Variants in SCG5 observed in about 807,000 individuals in gnomAD.
SCG5 encodes secretogranin V.
A neutral mutation model predicts 25.7 loss-of-function variants in SCG5; 18 were observed. The observed-to-expected ratio is 0.70, with a 90% CI of 0.48 to 1.04. The LOEUF is 1.04. SCG5 is among the 50% of genes least tolerant of loss of function. The pLI is 0.00. For missense variants in SCG5, 206 were observed against 259.8 expected (o/e 0.79, Z 1.42); for synonymous variants, 101 against 91.7 (o/e 1.10, Z -0.58).
At chr15:32,645,381 T>C (rs1314866696) in intron 2 of SCG5, among the ~76,000 whole-genome samples, 3 of 152,164 alleles carry the variant, frequency 2.0e-5, no homozygotes, top group Non-Finnish European at 4.4e-5. Context: ...TATCCAACTA[T>C]TTAGTACCCA....
At position 32,643,934 on chromosome 15, in the gene SCG5, G is replaced by A. The variant is rs1027766247; in HGVS notation, c.226+116G>A. On this transcript the variant is annotated intron_variant, in intron 2 of 5. Coordinates refer to ENST00000300175, the MANE Select transcript of SCG5 (RefSeq NM_001144757.3). ...CCTTTATTATCCTATTTTTTTCAGAGGAGGAAGCTAATTTTTAAGAGACTC... is the reference window on the plus strand; with the variant it reads ...CCTTTATTATCCTATTTTTTTCAGAAGAGGAAGCTAATTTTTAAGAGACTC... The A allele has an allele frequency of 1.1e-5, 9 of 854,842 alleles. No homozygotes were observed. In the South Asian group the frequency reaches 1.4e-4, roughly 14 times the overall value. 53.0% of individuals were successfully genotyped at this position (854,842 alleles called of 1,614,324 possible).
chr15:32,689,149 G>A (rs1298077147), intron 4 of SCG5, among the ~76,000 whole-genome samples: 2 of 151,962 alleles, frequency 1.3e-5, no homozygotes, highest in African/African-American at 4.8e-5. Flanking sequence ...GCATTTACTA[G>A]TTGACATTCT....
At chr15:32,648,071 T>A (rs184265435) in intron 2 of SCG5, among the ~76,000 whole-genome samples, 2 of 152,326 alleles carry the variant, frequency 1.3e-5, no homozygotes, top group Non-Finnish European at 2.9e-5. Flanking sequence ...CAGGTTTCGA[T>A]CCTGATTTCT....
intron 1 of SCG5, among the ~76,000 whole-genome samples, chr15:32,642,923 A>G (rs1430272110): frequency 2.6e-5 from 4 of 152,200 alleles, no homozygotes; most frequent in Non-Finnish European, 5.9e-5. Context: ...TGCTTTAATT[A>G]TCTCCGTTTT....
chr15:32,675,616 T>G (rs1020280247), intron 2 of SCG5, among the ~76,000 whole-genome samples: 1 of 152,250 alleles, frequency 6.6e-6, no homozygotes, highest in Non-Finnish European at 1.5e-5. Flanking sequence ...CTTTCACATT[T>G]ATGTCGTCTA....
intron 2 of SCG5, among the ~76,000 whole-genome samples, chr15:32,675,748 T>G (rs2054519741): frequency 6.6e-6 from 1 of 152,246 alleles, no homozygotes; most frequent in African/African-American, 2.4e-5. Flanking sequence ...CTGGTTACAT[T>G]ATCAGTGCAT....
chr15:32,659,388 C>T (rs57831536), intron 2 of SCG5, among the ~76,000 whole-genome samples: 3 of 152,256 alleles, frequency 2.0e-5, no homozygotes, highest in East Asian at 1.9e-4. Context: ...GCAAGTTAGA[C>T]GATCCCAGGT....
chr15:32,663,019 G>T (rs2054247137), intron 2 of SCG5, among the ~76,000 whole-genome samples: 1 of 115,320 alleles, frequency 8.7e-6, no homozygotes, highest in Admixed American at 1.1e-4. Flanking sequence ...GATTAGGGCT[G>T]TTAAAAAAAA....
At chr15:32,658,545 G>A (rs2054162810) in intron 2 of SCG5, among the ~76,000 whole-genome samples, 1 of 152,200 alleles carries the variant, frequency 6.6e-6, no homozygotes, top group South Asian at 2.1e-4. Context: ...ATGCATTTAA[G>A]GCTGTCGCCA....
chr15:32,651,027 G>A (rs1445800725), intron 2 of SCG5, among the ~76,000 whole-genome samples: 2 of 152,032 alleles, frequency 1.3e-5, no homozygotes, highest in African/African-American at 2.4e-5. Context: ...GTGAAACCCC[G>A]TTTCTACTAA....
intron 2 of SCG5, among the ~76,000 whole-genome samples, chr15:32,664,242 G>A (rs924184808): frequency 2.0e-5 from 3 of 152,124 alleles, no homozygotes; most frequent in South Asian, 4.1e-4. Context: ...AAGGTCATAC[G>A]CCAGCTATTA....
intron 2 of SCG5, among the ~76,000 whole-genome samples, chr15:32,668,561 G>C (rs2054361151): frequency 6.6e-6 from 1 of 152,214 alleles, no homozygotes; most frequent in African/African-American, 2.4e-5. Context: ...GGCTCTGAAT[G>C]GGCACAGCGC....
intron 5 of SCG5, 162 bp downstream of exon 5, chr15:32,691,925 G>T: frequency 6.8e-7 from 1 of 1,464,804 alleles, no homozygotes; most frequent in Non-Finnish European, 9.0e-7. Flanking sequence ...CAGAAAGTCT[G>T]TCCTTGGTTT....
intron 5 of SCG5, among the ~76,000 whole-genome samples, chr15:32,695,881 G>C (rs7497115): frequency 0.95 from 144,268 of 152,178 alleles, 68,573 homozygotes; most frequent in Non-Finnish European, 0.98. Flanking sequence ...GACTTATGAG[G>C]TGGTTTACTG....
intron 2 of SCG5, among the ~76,000 whole-genome samples, chr15:32,675,141 T>G (rs1462464807): frequency 4.6e-5 from 7 of 152,248 alleles, no homozygotes; most frequent in Admixed American, 1.3e-4. Flanking sequence ...TTTCCATTTA[T>G]TCTAGAGACA....
intron 3 of SCG5, among the ~76,000 whole-genome samples, chr15:32,683,192 CTG>C (rs1179472026): frequency 1.6e-4 from 25 of 152,320 alleles, no homozygotes; most frequent in African/African-American, 6.0e-4. Flanking sequence ...AGCTGAGAGA[CTG>C]TGTACTGAAA....
intron 2 of SCG5, among the ~76,000 whole-genome samples, chr15:32,658,131 G>C (rs2054156190): frequency 6.6e-6 from 1 of 152,166 alleles, no homozygotes; most frequent in African/African-American, 2.4e-5. Context: ...CTGGCTAAAA[G>C]GATGTGATAC....
chr15:32,691,611 A>G (rs974335793), intron 4 of SCG5, 99 bp from the exon 5 acceptor site: 16 of 913,184 alleles, frequency 1.8e-5, no homozygotes, highest in African/African-American at 1.4e-4. Flanking sequence ...TGCGTATGCA[A>G]ATATCTAGGG....
intron 2 of SCG5, among the ~76,000 whole-genome samples, chr15:32,650,212 C>T (rs2054012075): frequency 6.6e-6 from 1 of 152,212 alleles, no homozygotes; most frequent in Non-Finnish European, 1.5e-5. Context: ...ATTCTCCTGC[C>T]TCAGCCTCGC....
Sources: allele counts gnomAD v4.1 joint callset (sites outside exome capture counted in the v4.1 genomes callset), GRCh38; gene constraint gnomAD v4.1.1; transcripts MANE v1.5; gene names NCBI Gene and HGNC (gene_info 2026-07-23, HGNC 2026-07-21).